Variants in TAFA5 observed in about 807,000 individuals in gnomAD.
TAFA5 encodes the protein TAFA chemokine like family member 5.
In TAFA5, 6 loss-of-function variants were observed where a neutral mutation model predicts 15.3. That is an observed-to-expected ratio of 0.39 (90% CI 0.21 to 0.77). The LOEUF (loss-of-function observed/expected upper bound fraction) is 0.77. Ranked by LOEUF, TAFA5 falls within the 30% of genes least tolerant of loss-of-function variation. The pLI is 0.41. For synonymous variants in TAFA5, 103 were observed against 80.7 expected (o/e 1.28, Z -1.48); for missense variants, 161 against 193.1 (o/e 0.83, Z 0.98).
At chr22:48,697,814 G>A (rs1427714114) in intron 2 of TAFA5, among the ~76,000 whole-genome samples, 1 of 150,696 alleles carries the variant, frequency 6.6e-6, no homozygotes, top group Non-Finnish European at 1.5e-5. Flanking sequence ...TGATGAGATG[G>A]TAGTGGTGGT....
chr22:48,740,968 C>A (rs1429345370), intron 3 of TAFA5, among the ~76,000 whole-genome samples: 1 of 152,186 alleles, frequency 6.6e-6, no homozygotes, highest in African/African-American at 2.4e-5. Flanking sequence ...GGCCCCGAGT[C>A]AGCGCTCAGG....
At chr22:48,745,362 G>A (rs1296534902) in intron 3 of TAFA5, among the ~76,000 whole-genome samples, 2 of 136,032 alleles carry the variant, frequency 1.5e-5, no homozygotes, top group African/African-American at 2.8e-5. Flanking sequence ...CGGCTTTGTC[G>A]TCGGCGGCTG....
chr22:48,621,645 G>A (rs1925842289), intron 1 of TAFA5, among the ~76,000 whole-genome samples: 1 of 152,224 alleles, frequency 6.6e-6, no homozygotes, highest in African/African-American at 2.4e-5. Flanking sequence ...GCCGCAGAGT[G>A]GCCCAGCCTG....
chr22:48,732,712 A>G (rs1198756713), intron 3 of TAFA5, among the ~76,000 whole-genome samples: 1 of 152,218 alleles, frequency 6.6e-6, no homozygotes, highest in African/African-American at 2.4e-5. Context: ...GTTCTTCTCT[A>G]GTTAAAATGC....
At chr22:48,703,079 ACGTGTGTGCATGTGTG>A (rs974720729) in intron 2 of TAFA5, among the ~76,000 whole-genome samples, 46 of 151,878 alleles carry the variant, frequency 3.0e-4, no homozygotes, top group African/African-American at 1.1e-3. Flanking sequence ...GTGTGCGTGA[ACGTGTGTGCATGTGTG>A]CGTGTGTGCT....
intron 3 of TAFA5, among the ~76,000 whole-genome samples, chr22:48,711,889 CTGTG>C (rs1363261696): frequency 6.6e-6 from 1 of 152,240 alleles, no homozygotes; most frequent in African/African-American, 2.4e-5. Flanking sequence ...GTTTACTTCT[CTGTG>C]TGGCGCCACC....
chr22:48,662,341 G>T (rs1336276613), intron 2 of TAFA5, among the ~76,000 whole-genome samples: 2 of 152,152 alleles, frequency 1.3e-5, no homozygotes, highest in Non-Finnish European at 2.9e-5. Flanking sequence ...GTGCCAGGAA[G>T]GTGACGGATC....
chr22:48,714,140 G>T (rs1248032810), intron 3 of TAFA5, among the ~76,000 whole-genome samples: 1 of 152,262 alleles, frequency 6.6e-6, no homozygotes. Context: ...TCTTGGAGGA[G>T]CCATCCATGG....
intron 1 of TAFA5, among the ~76,000 whole-genome samples, chr22:48,581,396 C>T (rs1044222631): frequency 6.6e-6 from 1 of 152,214 alleles, no homozygotes; most frequent in Non-Finnish European, 1.5e-5. Context: ...GATCTTGCCG[C>T]CGGCATCTGT....
At chr22:48,501,262 G>A (rs542574423) in intron 1 of TAFA5, among the ~76,000 whole-genome samples, 4 of 152,216 alleles carry the variant, frequency 2.6e-5, no homozygotes, top group South Asian at 2.1e-4. Flanking sequence ...CCCGGGCACC[G>A]GGCACCTTGA....
At chr22:48,525,782 C>T (rs1291697179) in intron 1 of TAFA5, among the ~76,000 whole-genome samples, 1 of 152,144 alleles carries the variant, frequency 6.6e-6, no homozygotes, top group Non-Finnish European at 1.5e-5. Context: ...TGCAGAGGCA[C>T]GGTGGTGTGC....
At chr22:48,501,360 G>A (rs1450628428) in intron 1 of TAFA5, among the ~76,000 whole-genome samples, 1 of 152,256 alleles carries the variant, frequency 6.6e-6, no homozygotes, top group African/African-American at 2.4e-5. Flanking sequence ...TTTGGTTTTT[G>A]GTGCATTTTC....
chr22:48,549,844 G>A (rs190956490), intron 1 of TAFA5, among the ~76,000 whole-genome samples: 1 of 152,346 alleles, frequency 6.6e-6, no homozygotes, highest in Admixed American at 6.5e-5. Flanking sequence ...GTTCGGAGAT[G>A]GATGAACAGG....
intron 1 of TAFA5, among the ~76,000 whole-genome samples, chr22:48,624,642 G>A (rs550779393): frequency 3.3e-5 from 5 of 152,150 alleles, no homozygotes; most frequent in Admixed American, 1.3e-4. Flanking sequence ...GCACTCGTGG[G>A]CTCCGTTGGC....
intron 1 of TAFA5, among the ~76,000 whole-genome samples, chr22:48,634,761 T>C (rs912092823): frequency 2.1e-5 from 1 of 46,680 alleles, no homozygotes; most frequent in Non-Finnish European, 3.4e-5. Context: ...ATTCACTCAG[T>C]CACTCAGCCA....
intron 1 of TAFA5, among the ~76,000 whole-genome samples, chr22:48,605,265 TGAG>T (rs1925131071): frequency 2.7e-5 from 4 of 147,664 alleles, no homozygotes; most frequent in East Asian, 2.0e-4. Flanking sequence ...AGGGTGATGG[TGAG>T]GATGATGGTG....
intron 1 of TAFA5, among the ~76,000 whole-genome samples, chr22:48,529,808 G>A (rs1921912728): frequency 6.6e-6 from 1 of 152,040 alleles, no homozygotes; most frequent in Non-Finnish European, 1.5e-5. Context: ...GGCCCCTTCA[G>A]ACCTCCATCC....
intron 1 of TAFA5, among the ~76,000 whole-genome samples, chr22:48,576,867 G>T (rs561728529): frequency 2.0e-4 from 31 of 151,988 alleles, no homozygotes; most frequent in African/African-American, 6.5e-4. Context: ...CGAGGCTGCC[G>T]TTCCCATCCC....
At chr22:48,715,139 C>T (rs1408312559) in intron 3 of TAFA5, among the ~76,000 whole-genome samples, 1 of 152,176 alleles carries the variant, frequency 6.6e-6, no homozygotes, top group Non-Finnish European at 1.5e-5. Context: ...CTTTGGGGGC[C>T]CCCCATTCCA....
Sources: gnomAD v4.1 joint callset for allele counts (sites outside exome capture counted in the v4.1 genomes callset) on GRCh38, gnomAD v4.1.1 for gene constraint, MANE v1.5 for transcripts, NCBI Gene and HGNC (gene_info 2026-07-23, HGNC 2026-07-21) for gene names.